MAPK8IP3: variants seen among roughly 807,000 people sequenced by gnomAD.
MAPK8IP3 encodes C-Jun-amino-terminal kinase-interacting protein 3.
In MAPK8IP3, 49 loss-of-function variants were observed where a neutral mutation model predicts 157.8. That is an observed-to-expected ratio of 0.31 (90% CI 0.25 to 0.39). The LOEUF is 0.39. Among genes scored for constraint, MAPK8IP3 ranks in the 10% least tolerant of loss-of-function variants. The pLI is 1.00. For synonymous variants in MAPK8IP3, 897 were observed against 777.7 expected (o/e 1.15, Z -2.55); for missense variants, 1,478 against 1,889.4 (o/e 0.78, Z 4.04).
rs116548805 is a variant in MAPK8IP3, at chr16:1,706,405, C to T, written c.66C>T (p.Gly22=). ...VVVYQDDYCS[G]SVMSERVSGL... ...TGTACCAGGACGACTACTGCTCCGG[C>T]TCGGTGATGTCGGAGCGGGTGTCGG... The change falls in exon 1 of 32, where the codon GGC becomes GGT. Residue 22 remains glycine, a synonymous_variant. Transcript: ENST00000610761. This position sits in a 1 kb window ranked among gnomAD's most constrained non-coding sequence, Gnocchi z 5.1. 2,702 of 1,613,468 alleles carry T rather than the reference C, an allele frequency of 1.7e-3. 33 individuals carry two copies. In the African/African-American group the frequency reaches 0.028, roughly 17 times the overall value.
At chr16:1,729,670 A>G in intron 4 of MAPK8IP3, 92 bp downstream of exon 4, 1 of 1,209,748 alleles carries the variant, frequency 8.3e-7, no homozygotes, top group South Asian at 1.3e-5. Context: ...AGTGCTTGTT[A>G]TGGCCCGCGC....
intron 30 of MAPK8IP3, 39 bp from the exon 31 acceptor site, chr16:1,768,438 C>G (rs370405653): frequency 2.1e-4 from 327 of 1,592,230 alleles, no homozygotes; most frequent in Non-Finnish European, 2.7e-4. Flanking sequence ...GCCGCCTCCC[C>G]CAGGAGGCCG....
intron 4 of MAPK8IP3, among the ~76,000 whole-genome samples, chr16:1,735,291 G>T (rs1375555491): frequency 7.0e-6 from 1 of 142,208 alleles, no homozygotes; most frequent in Admixed American, 7.0e-5. Flanking sequence ...AGTGTGCGAC[G>T]GTCCATGTGA....
rs2041257379 is a variant in MAPK8IP3, at chr16:1,751,010, A to G, written c.1216+2290A>G. Among the ~76,000 whole-genome samples the G allele has an allele frequency of 6.6e-6, 1 of 151,984 alleles. No individual in the cohort carries two copies. Among genetic ancestry groups the G allele is most frequent in the East Asian group, 1.9e-4 (1 of 5,196 alleles). On this transcript the variant is annotated intron_variant, in intron 8 of 31. Transcript: ENST00000610761. This position sits in a 1 kb window ranked among gnomAD's most constrained non-coding sequence, Gnocchi z 5.0. ...CCCATGGCCCACAGAGGTATGACAC[A>G]TGTGTACGCAGAACACACAGTGTCA...
At chr16:1,707,050 C>G (rs2037447681) in intron 1 of MAPK8IP3, among the ~76,000 whole-genome samples, 1 of 151,766 alleles carries the variant, frequency 6.6e-6, no homozygotes, top group South Asian at 2.1e-4. Flanking sequence ...GCCTCACTCT[C>G]CCCTCCCCAC....
At chr16:1,764,874 T>A in intron 19 of MAPK8IP3, 139 bp from the exon 20 acceptor site, 1 of 801,288 alleles carries the variant, frequency 1.2e-6, no homozygotes, top group Non-Finnish European at 2.0e-6. Context: ...ATTGTTCTGG[T>A]CCTGGGGGAG....
Position 1,768,552 on chromosome 16 carries a change from C to G in MAPK8IP3, c.3818C>G (p.Ser1273Trp), listed in dbSNP as rs201803478. Residue 1273 changes from serine (S) to tryptophan (W), a missense_variant, in exon 31 of 32, where the codon TCG becomes TGG. By Grantham distance (177) the Ser-to-Trp change is radical. Around this residue, in one of 11 missense-constraint regions of MAPK8IP3, gnomAD observed 133 missense variants for 133.4 expected, o/e 1.00. Coordinates refer to ENST00000610761, the MANE Select transcript of MAPK8IP3 (RefSeq NM_001318852.2). Reference protein sequence around the residue: ...AEGPGPAAPASEVEGQKLRNV... With the variant: ...AEGPGPAAPAWEVEGQKLRNV... ...GGCCCTGGGCCAGCTGCCCCTGCCT[C>G]GGAGGTCGAGGGCCAGAAGCTGCGG... 6.4e-7 allele frequency: 1 copy of G among 1,569,090 alleles called. No individual in the cohort carries two copies. Among genetic ancestry groups the G allele is most frequent in the Non-Finnish European group, 8.6e-7 (1 of 1,158,202 alleles).
chr16:1,748,831 C>A (rs372591472), intron 8 of MAPK8IP3, 111 bp downstream of exon 8: 3 of 985,050 alleles, frequency 3.0e-6, no homozygotes, highest in South Asian at 1.3e-5. Flanking sequence ...GAGCTAGGAA[C>A]CTTTTTTTTT....
chr16:1,743,699 G>A lies in MAPK8IP3; in HGVS notation c.747+223G>A, dbSNP rs974533944. 13 of 1,397,450 alleles carry A rather than the reference G, an allele frequency of 9.3e-6. No homozygotes were observed. The highest frequency in any genetic ancestry group is 5.7e-5 in the East Asian group (2 of 35,178). 86.6% of individuals were successfully genotyped at this position (1,397,450 alleles called of 1,614,324 possible). ...TGGCTGTTCCACGCGGCCTCGTGTC[G>A]GCACCTGCTAGTCCAGGCTAGACCT... On this transcript the variant is annotated intron_variant, in intron 5 of 31. Transcript: ENST00000610761. The surrounding 1 kb of genome is among the most constrained non-coding windows in gnomAD (Gnocchi z 5.6).
At chr16:1,739,055 C>CAT (rs2040376017) in intron 4 of MAPK8IP3, among the ~76,000 whole-genome samples, 1 of 117,056 alleles carries the variant, frequency 8.5e-6, no homozygotes, top group Admixed American at 9.0e-5. Flanking sequence ...TCCGTGTGAG[C>CAT]GTGTGAGCGT....
chr16:1,743,219 G>C lies in MAPK8IP3; in HGVS notation c.603-113G>C. Reference sequence around the variant, plus strand: ...GAGTAGCTGCTCGAGCTGGGCTGCTGGCTGGCATGGAGCGGCCCCATCACT... The same window carrying C: ...GAGTAGCTGCTCGAGCTGGGCTGCTCGCTGGCATGGAGCGGCCCCATCACT... On this transcript the variant is annotated intron_variant, in intron 4 of 31. Transcript: ENST00000610761. This position sits in a 1 kb window ranked among gnomAD's most constrained non-coding sequence, Gnocchi z 5.6. 1.4e-6 allele frequency: 2 copies of C among 1,404,840 alleles called. No homozygotes were observed. Among genetic ancestry groups the C allele is most frequent in the Non-Finnish European group, 1.8e-6 (2 of 1,083,218 alleles). 87.0% of individuals were successfully genotyped at this position (1,404,840 alleles called of 1,614,324 possible). A position where few individuals can be genotyped will look rare whatever the true frequency, so the allele number is the denominator to read the frequency against.
intron 8 of MAPK8IP3, among the ~76,000 whole-genome samples, chr16:1,754,148 G>C (rs954317729): frequency 6.6e-6 from 1 of 151,570 alleles, no homozygotes; most frequent in Admixed American, 6.6e-5. Context: ...ACTGCAGCCT[G>C]GGCAGTAAGA....
intron 2 of MAPK8IP3, among the ~76,000 whole-genome samples, chr16:1,725,811 C>T (rs1425689074): frequency 1.3e-5 from 2 of 151,916 alleles, no homozygotes; most frequent in African/African-American, 4.8e-5. Flanking sequence ...GATTCTCCTG[C>T]CTCAGCTTCC....
At chr16:1,725,654 A>C (rs973350777) in intron 2 of MAPK8IP3, among the ~76,000 whole-genome samples, 6 of 152,082 alleles carry the variant, frequency 3.9e-5, no homozygotes, top group African/African-American at 1.4e-4. Flanking sequence ...TTTAAAAAAG[A>C]AGAAGTGATG....
Position 1,766,350 on chromosome 16 carries a change from C to T in MAPK8IP3, c.2760C>T (p.Leu920=). The T allele has an allele frequency of 1.2e-6, 2 of 1,612,696 alleles. No individual in the cohort carries two copies. The highest frequency in any genetic ancestry group is 1.7e-6 in the Non-Finnish European group (2 of 1,179,970). Residue 920 remains leucine (L), a synonymous_variant, in exon 22 of 32, where the codon CTC becomes CTT. Transcript: ENST00000610761. The part of the protein sequence containing the change: ...PETATLRPGP[L]TEHVFTDPAP... ...CAGCCACATTGCGGCCCGGGCCTCT[C>T]ACAGAGCACGTCTTCACTGACCCAG...
intron 1 of MAPK8IP3, among the ~76,000 whole-genome samples, chr16:1,720,238 G>A (rs1017332858): frequency 5.3e-5 from 8 of 152,196 alleles, no homozygotes; most frequent in African/African-American, 1.9e-4. Flanking sequence ...GTTTCACCGT[G>A]TTGGCCAGGC....
intron 24 of MAPK8IP3, 47 bp from the exon 25 acceptor site, chr16:1,766,857 G>T (rs980641006): frequency 6.2e-6 from 10 of 1,611,360 alleles, no homozygotes; most frequent in Non-Finnish European, 7.6e-6. Flanking sequence ...GGCGGAGGGG[G>T]CTGGCACAGC....
At chr16:1,738,060 G>A (rs1296050182) in intron 4 of MAPK8IP3, among the ~76,000 whole-genome samples, 1 of 92,712 alleles carries the variant, frequency 1.1e-5, no homozygotes, top group East Asian at 4.0e-4. Context: ...CCGTGTGAGT[G>A]TGTGACCATC....
Position 1,769,030 on chromosome 16 carries a change from G to C in MAPK8IP3, c.*206G>C, listed in dbSNP as rs935307631. 6.5e-6 allele frequency: 4 copies of C among 613,530 alleles called. No individual in the cohort carries two copies. In the East Asian group the frequency reaches 1.1e-4, roughly 17 times the overall value. The allele number at this position is 613,530 out of a possible 1,614,324, so 38.0% of individuals were successfully genotyped here. A position where few individuals can be genotyped will look rare whatever the true frequency, so the allele number is the denominator to read the frequency against. Reference sequence around the variant, plus strand: ...GAGGAGGGGAGGGGAACTTCCACCCGAGGGGAAGATGCTCTCGGGACAGTT... The same window carrying C: ...GAGGAGGGGAGGGGAACTTCCACCCCAGGGGAAGATGCTCTCGGGACAGTT... On this transcript the variant is annotated 3_prime_UTR_variant, in exon 32 of 32. Transcript: ENST00000610761.
Sources: gnomAD v4.1 joint callset for allele counts (sites outside exome capture counted in the v4.1 genomes callset) on GRCh38, gnomAD v4.1.1 for gene constraint, gnomAD v4.1.1 regional missense constraint, Gnocchi (gnomAD v3.1) non-coding constraint, MANE v1.5 for transcripts, NCBI Gene and HGNC (gene_info 2026-07-23, HGNC 2026-07-21) for gene names.